The following MEIKIN variants were observed in gnomAD, a reference collection of about 807,000 sequenced individuals.
MEIKIN encodes the protein meiotic kinetochore factor, also known as meiosis-specific kinetochore protein.
At chr5:131,855,273 A>G (rs1051279375) in intron 9 of MEIKIN, among the ~76,000 whole-genome samples, 3 of 152,214 alleles carry the variant, frequency 2.0e-5, no homozygotes, top group Non-Finnish European at 2.9e-5. Flanking sequence ...GCTGTGAAAT[A>G]TATGTAGCAA....
At chr5:131,842,663 T>C (rs1580868562) in intron 11 of MEIKIN, among the ~76,000 whole-genome samples, 1 of 152,228 alleles carries the variant, frequency 6.6e-6, no homozygotes, top group South Asian at 2.1e-4. Flanking sequence ...TACTAAAGGA[T>C]TGTTCTCTGT....
intron 9 of MEIKIN, 46 bp from the exon 10 acceptor site, chr5:131,854,880 A>G: frequency 2.5e-6 from 1 of 396,172 alleles, no homozygotes; most frequent in Non-Finnish European, 4.5e-6. Context: ...AGAAAGAAAT[A>G]AACTATTTTA....
chr5:131,816,302 C>T (rs545340830), intron 12 of MEIKIN, among the ~76,000 whole-genome samples: 1 of 152,172 alleles, frequency 6.6e-6, no homozygotes, highest in Non-Finnish European at 1.5e-5. Context: ...CAGTTCAATA[C>T]TAATCTAAGC....
chr5:131,871,298 C>T lies in MEIKIN; in HGVS notation c.774+7680G>A, dbSNP rs1561739168. Reference sequence around the variant, plus strand: ...CACCTGGAAAATTGGGTCACTCCCACCCTAATACTGCACTTTCCCAACTGG... The same window carrying T: ...CACCTGGAAAATTGGGTCACTCCCATCCTAATACTGCACTTTCCCAACTGG... On this transcript the variant is annotated intron_variant, in intron 9 of 12. Coordinates refer to ENST00000442687, the MANE Select transcript of MEIKIN (RefSeq NM_001303622.2). Among the ~76,000 whole-genome samples the T allele has an allele frequency of 2.6e-5, 4 of 152,248 alleles. No individual in the cohort carries two copies. In the South Asian group the frequency reaches 8.3e-4, roughly 32 times the overall value.
chr5:131,843,080 C>G (rs759269077), intron 11 of MEIKIN, among the ~76,000 whole-genome samples: 9 of 152,268 alleles, frequency 5.9e-5, no homozygotes, highest in Non-Finnish European at 1.2e-4. Flanking sequence ...ATAACTTGAA[C>G]TGTACCTTGG....
rs114607927 is a variant in MEIKIN at position 131,927,497 on chromosome 5, C to G, written c.479-5556G>C. 1.4e-3 allele frequency among the ~76,000 whole-genome samples: 208 copies of G among 152,288 alleles called. 1 individual carries two copies. The highest frequency in any genetic ancestry group is 0.01 in the Middle Eastern group (3 of 294). ...GGTCCATGTTGTCTATAGCGCTGTT[C>G]AAGTCTGCTGTTTGCTTACCTGTTT... On this transcript the variant is annotated intron_variant, in intron 5 of 12. Coordinates refer to ENST00000442687, the MANE Select transcript of MEIKIN (RefSeq NM_001303622.2).
intron 8 of MEIKIN, among the ~76,000 whole-genome samples, chr5:131,881,958 A>G (rs6879688): frequency 0.027 from 4,063 of 152,266 alleles, 189 homozygotes; most frequent in African/African-American, 0.092. Flanking sequence ...ATATGTCCAA[A>G]AAAATTATCT....
At chr5:131,921,415 T>C (rs1420652024) in intron 6 of MEIKIN, among the ~76,000 whole-genome samples, 1 of 152,088 alleles carries the variant, frequency 6.6e-6, no homozygotes, top group African/African-American at 2.4e-5. Context: ...CCCAGCACTT[T>C]GGGAAGCCAA....
chr5:131,858,665 A>T (rs112307633), intron 9 of MEIKIN, among the ~76,000 whole-genome samples: 186 of 152,358 alleles, frequency 1.2e-3, no homozygotes, highest in African/African-American at 4.0e-3. Flanking sequence ...AATGGGAGAA[A>T]ATATTTGCAA....
rs748601328 is a variant in MEIKIN at position 131,813,191 on chromosome 5, G to C, written c.1099+5549C>G. ...ACTGCCTGCTCTGAAGATGACATGA[G>C]GAGTTCTCTACAATCAGTTGACTGA... On this transcript the variant is annotated intron_variant, in intron 12 of 12. Coordinates refer to ENST00000442687, the MANE Select transcript of MEIKIN (RefSeq NM_001303622.2). 6.6e-5 allele frequency among the ~76,000 whole-genome samples: 10 copies of C among 152,150 alleles called. 1 individual carries two copies. The highest frequency in any genetic ancestry group is 1.3e-4 in the Non-Finnish European group (9 of 68,028).
chr5:131,849,080 T>G (rs1441417771), intron 11 of MEIKIN, among the ~76,000 whole-genome samples: 1 of 152,220 alleles, frequency 6.6e-6, no homozygotes. Flanking sequence ...AAGCCATTGA[T>G]ACGGTTTGGA....
chr5:131,863,907 C>T (rs1387917681), intron 9 of MEIKIN, among the ~76,000 whole-genome samples: 2 of 152,158 alleles, frequency 1.3e-5, no homozygotes, highest in Non-Finnish European at 2.9e-5. Context: ...ACTTGCTCCT[C>T]CTCGCCTTCT....
intron 12 of MEIKIN, among the ~76,000 whole-genome samples, chr5:131,815,691 A>G (rs578173136): frequency 6.6e-5 from 10 of 152,358 alleles, no homozygotes; most frequent in African/African-American, 2.4e-4. Context: ...AAGGAAGAAT[A>G]TGTCTGGAAC....
At chr5:131,943,601 T>C (rs957051914) in intron 3 of MEIKIN, among the ~76,000 whole-genome samples, 1 of 152,176 alleles carries the variant, frequency 6.6e-6, no homozygotes, top group African/African-American at 2.4e-5. Context: ...TATGGGAATA[T>C]ACAATAAGAC....
chr5:131,829,273 C>T (rs755774184), intron 11 of MEIKIN, among the ~76,000 whole-genome samples: 1 of 152,118 alleles, frequency 6.6e-6, no homozygotes, highest in Non-Finnish European at 1.5e-5. Context: ...GAAATAAAAA[C>T]ATTTTCAGTC....
At chr5:131,834,249 G>A (rs1749761110) in intron 11 of MEIKIN, among the ~76,000 whole-genome samples, 1 of 152,154 alleles carries the variant, frequency 6.6e-6, no homozygotes, top group Non-Finnish European at 1.5e-5. Context: ...TATTCAAGGT[G>A]TACGTGATTT....
rs1159652296 is a variant in MEIKIN at position 131,911,850 on chromosome 5, GAAAC to G, written c.664_667del (p.Val222LeufsTer51). ...ATTTGAAGCACACTTTGCTTTTGGA[GAAAC>G]ATTTTGATCTGCTACTGTCATCACT... On this transcript the variant is annotated frameshift_variant, in exon 8 of 13. Coordinates refer to ENST00000442687, the MANE Select transcript of MEIKIN (RefSeq NM_001303622.2). LOFTEE classifies it high-confidence loss of function. 30 of 397,538 alleles carry G rather than the reference GAAAC, an allele frequency of 7.5e-5. No individual in the cohort carries two copies. In the East Asian group the frequency reaches 1.0e-3, roughly 13 times the overall value. The allele number at this position is 397,538 out of a possible 1,614,324, so 24.6% of individuals were successfully genotyped here.
intron 9 of MEIKIN, among the ~76,000 whole-genome samples, chr5:131,870,123 C>A (rs772179702): frequency 9.2e-6 from 1 of 108,216 alleles, no homozygotes; most frequent in Non-Finnish European, 1.9e-5. Context: ...TCCCATTTAC[C>A]CTGATTTGAT....
rs546390421 is a variant in MEIKIN at position 131,842,599 on chromosome 5, AT to A, written c.975+8664del. On this transcript the variant is annotated intron_variant, in intron 11 of 12. Transcript: ENST00000442687. ...TGATGTTTTTCATTGTGATTTGTTG[AT>A]TTTTTTTTGCAATAGTGTGTGTTCA... Among the ~76,000 whole-genome samples, 147 of 141,534 alleles carry A rather than the reference AT, an allele frequency of 1.0e-3. No homozygotes were observed. The Middle Eastern group carries it at 0.01, about 10-fold the overall frequency. The allele number at this position is 141,534 out of a possible 152,430, so 92.9% of individuals were successfully genotyped here.
Sources: gnomAD v4.1 joint callset for allele counts (sites outside exome capture counted in the v4.1 genomes callset) on GRCh38, gnomAD v4.1.1 for gene constraint, MANE v1.5 for transcripts, NCBI Gene and HGNC (gene_info 2026-07-23, HGNC 2026-07-21) for gene names.